Variants in BCL2L11 observed in about 807,000 individuals in gnomAD.
BCL2L11 encodes the protein bcl-2-like protein 11.
A neutral mutation model predicts 20.6 loss-of-function variants in BCL2L11; 15 were observed. The observed-to-expected ratio is 0.73, with a 90% CI of 0.49 to 1.12. BCL2L11 has a LOEUF of 1.12. BCL2L11 is among the 50% of genes most tolerant of loss of function. The pLI, the probability that BCL2L11 is intolerant of heterozygous loss-of-function variation, is 0.00. For missense variants in BCL2L11, 292 were observed against 260.9 expected, an observed-to-expected ratio of 1.12 and a Z score of -0.82; for synonymous variants, 108 against 92.8, an observed-to-expected ratio of 1.16 and a Z score of -0.94.
chr2:111,132,699 A>C (rs1368642884), intron 2 of BCL2L11, among the ~76,000 whole-genome samples: 1 of 152,234 alleles, frequency 6.6e-6, no homozygotes, highest in Non-Finnish European at 1.5e-5. Context: ...ATTTGCCAGC[A>C]AACATTGCCT....
chr2:111,128,647 G>C, intron 2 of BCL2L11: 1 of 1,542,058 alleles, frequency 6.5e-7, no homozygotes, highest in Non-Finnish European at 8.7e-7. Context: ...AGAGGATATA[G>C]GTGATCTTTC....
At position 111,123,739 on chromosome 2, in the gene BCL2L11, A is replaced by C. The variant is rs755069669; in HGVS notation, c.-7A>C. ...GTTTTTATTTTACTTGCAGAAAAAA[A>C]GACCAAATGGCAAAGCAACCTTCTG... On this transcript the variant is annotated 5_prime_UTR_variant, in exon 2 of 4. Transcript: ENST00000393256. The C allele has an allele frequency of 2.9e-6, 4 of 1,387,716 alleles. No individual in the cohort carries two copies. In the Admixed American group the frequency reaches 1.1e-4, roughly 38 times the overall value. 86.0% of individuals were successfully genotyped at this position (1,387,716 alleles called of 1,614,324 possible).
chr2:111,134,262 C>T (rs757823150), intron 2 of BCL2L11, among the ~76,000 whole-genome samples: 6 of 151,770 alleles, frequency 4.0e-5, no homozygotes, highest in African/African-American at 9.7e-5. Context: ...GTGGGTTATA[C>T]GAACATTTTC....
chr2:111,160,388 C>T (rs1021398753), intron 3 of BCL2L11, among the ~76,000 whole-genome samples: 1 of 152,240 alleles, frequency 6.6e-6, no homozygotes, highest in Non-Finnish European at 1.5e-5. Context: ...GGTACACAGA[C>T]ACGTGCCTTG....
chr2:111,162,757 A>T (rs2078711036), intron 3 of BCL2L11: 1 of 152,232 alleles, frequency 6.6e-6, no homozygotes, highest in Non-Finnish European at 1.5e-5. Flanking sequence ...TACTTAGCCC[A>T]TCATAGCGTA....
intron 2 of BCL2L11, chr2:111,142,206 G>A: frequency 2.2e-6 from 2 of 909,026 alleles, no homozygotes; most frequent in East Asian, 2.7e-5. Flanking sequence ...TTGCACTTGT[G>A]CTAATGAAGA....
intron 2 of BCL2L11, among the ~76,000 whole-genome samples, chr2:111,135,523 G>A (rs2074706680): frequency 6.6e-6 from 1 of 151,904 alleles, no homozygotes; most frequent in Non-Finnish European, 1.5e-5. Context: ...TCCCTCTGAG[G>A]GAAGCTGACC....
intron 2 of BCL2L11, among the ~76,000 whole-genome samples, chr2:111,134,887 T>G (rs1053285525): frequency 3.7e-4 from 57 of 152,218 alleles, no homozygotes; most frequent in Non-Finnish European, 1.2e-4. Flanking sequence ...TCTGAATTGG[T>G]GTTCTCAACT....
Position 111,123,762 on chromosome 2 carries a change from C to G in BCL2L11, c.17C>G (p.Ser6Cys). 1.4e-6 allele frequency: 2 copies of G among 1,391,178 alleles called. No homozygotes were observed. Among genetic ancestry groups the G allele is most frequent in the Non-Finnish European group, 1.9e-6 (2 of 1,065,394 alleles). 86.2% of individuals were successfully genotyped at this position (1,391,178 alleles called of 1,614,324 possible). Residue 6 changes from serine to cysteine, a missense_variant, in exon 2 of 4, where the codon TCT (serine) becomes TGT (cysteine). Transcript: ENST00000393256. MAKQP[S>C]DVSSECDREG... ...AAAGACCAAATGGCAAAGCAACCTT[C>G]TGATGTAAGTTCTGAGTGTGACCGA...
chr2:111,140,850 A>T (rs1451409536), intron 2 of BCL2L11, among the ~76,000 whole-genome samples: 1 of 152,274 alleles, frequency 6.6e-6, no homozygotes, highest in Non-Finnish European at 1.5e-5. Context: ...GACTCTCATT[A>T]GCGTTTAATG....
rs776207874 is a variant in BCL2L11 at position 111,123,788 on chromosome 2, G to A, written c.43G>A (p.Glu15Lys). The change falls in exon 2 of 4, where the codon GAA becomes AAA. Residue 15 changes from glutamate (E) to lysine (K), a missense_variant. Coordinates refer to ENST00000393256, the MANE Select transcript of BCL2L11 (RefSeq NM_138621.5). ...TGATGTAAGTTCTGAGTGTGACCGA[G>A]AAGGTAGACAATTGCAGCCTGCGGA... ...PSDVSSECDR[E>K]GRQLQPAERP... The A allele has an allele frequency of 6.9e-6, 10 of 1,452,532 alleles. No homozygotes were observed. Among genetic ancestry groups the A allele is most frequent in the Non-Finnish European group, 8.2e-6 (9 of 1,098,182 alleles). 90.0% of individuals were successfully genotyped at this position (1,452,532 alleles called of 1,614,324 possible).
intron 3 of BCL2L11, chr2:111,153,995 T>A (rs1311957265): frequency 7.5e-7 from 1 of 1,326,266 alleles, no homozygotes; most frequent in Non-Finnish European, 9.7e-7. Context: ...GCCTGGCCCC[T>A]CTATTCAGTC....
intron 2 of BCL2L11, among the ~76,000 whole-genome samples, chr2:111,136,891 C>A (rs1286000633): frequency 6.6e-6 from 1 of 152,150 alleles, no homozygotes; most frequent in Non-Finnish European, 1.5e-5. Context: ...TTTTACTCTC[C>A]ATGTGGAATA....
chr2:111,147,386 A>ACC (rs1559064780), intron 2 of BCL2L11, among the ~76,000 whole-genome samples: 15 of 142,900 alleles, frequency 1.0e-4, no homozygotes, highest in Admixed American at 4.2e-4. Flanking sequence ...ACACACACAC[A>ACC]CACACCCGCC....
intron 2 of BCL2L11, among the ~76,000 whole-genome samples, chr2:111,124,599 A>G (rs2072105043): frequency 6.6e-6 from 1 of 152,158 alleles, no homozygotes; most frequent in Non-Finnish European, 1.5e-5. Flanking sequence ...CCACATCAAC[A>G]TTTTTACAAA....
chr2:111,163,764 C>T (rs1383321989), intron 3 of BCL2L11, among the ~76,000 whole-genome samples: 1 of 152,092 alleles, frequency 6.6e-6, no homozygotes, highest in Non-Finnish European at 1.5e-5. Context: ...AAATTCACCC[C>T]TGGGGGAATC....
At chr2:111,150,847 G>A (rs1042710886) in intron 3 of BCL2L11, among the ~76,000 whole-genome samples, 1 of 152,134 alleles carries the variant, frequency 6.6e-6, no homozygotes, top group African/African-American at 2.4e-5. Flanking sequence ...GGGCAATGTA[G>A]GTGACCATTT....
At chr2:111,128,393 G>C (rs759272778) in intron 2 of BCL2L11, among the ~76,000 whole-genome samples, 3 of 152,024 alleles carry the variant, frequency 2.0e-5, no homozygotes, top group African/African-American at 2.4e-5. Context: ...GAGTAGTGCT[G>C]CTATGAACAT....
At chr2:111,153,981 AACGGCCTG>A in intron 3 of BCL2L11, 1 of 1,398,926 alleles carries the variant, frequency 7.1e-7, no homozygotes, top group Non-Finnish European at 9.3e-7. Context: ...TGCCGGGCTG[AACGGCCTG>A]GCCCCTCTAT....
Sources: allele counts gnomAD v4.1 joint callset (sites outside exome capture counted in the v4.1 genomes callset), GRCh38; gene constraint gnomAD v4.1.1; transcripts MANE v1.5; gene names NCBI Gene and HGNC (gene_info 2026-07-23, HGNC 2026-07-21).